The following GART variants were observed in gnomAD, a reference collection of about 807,000 sequenced individuals.
GART encodes trifunctional purine biosynthetic protein adenosine-3.
Under a neutral mutation model 107.2 loss-of-function variants are expected in GART, and 43 were observed. The observed-to-expected ratio is 0.40, with a 90% confidence interval of 0.31 to 0.52. GART has a LOEUF of 0.52. Among genes scored for constraint, GART ranks in the 20% least tolerant of loss-of-function variants. GART has a pLI of 0.52. For synonymous variants in GART, 434 were observed against 427.0 expected, an observed-to-expected ratio of 1.02 and a Z score of -0.20; for missense variants, 1,107 against 1,206.5, an observed-to-expected ratio of 0.92 and a Z score of 1.22.
At chr21:33,506,231 C>T (rs1263469958) in intron 18 of GART, 127 bp from the exon 19 acceptor site, 2 of 985,162 alleles carry the variant, frequency 2.0e-6, no homozygotes, top group East Asian at 3.2e-5. Flanking sequence ...GCAACCTCCA[C>T]CTCCCGGGTT....
chr21:33,505,531 C>T (rs367877839), intron 20 of GART, 30 bp downstream of exon 20: 3 of 1,567,056 alleles, frequency 1.9e-6, no homozygotes, highest in Non-Finnish European at 1.7e-6. Context: ...AATTGATTTC[C>T]CAATGTGATG....
At chr21:33,522,921 G>T (rs1243997085) in intron 11 of GART, among the ~76,000 whole-genome samples, 1 of 152,168 alleles carries the variant, frequency 6.6e-6, no homozygotes, top group Non-Finnish European at 1.5e-5. Context: ...AATTAGATTT[G>T]TAAAAACCGT....
intron 2 of GART, among the ~76,000 whole-genome samples, chr21:33,538,241 C>CAAA (rs397866694): frequency 0.18 from 15,569 of 88,020 alleles, 1,705 homozygotes; most frequent in Non-Finnish European, 0.24. Flanking sequence ...GACTCTGTCT[C>CAAA]AAAAAAAAAA....
At chr21:33,530,992 G>GTTTT in intron 6 of GART, 108 bp from the exon 7 acceptor site, 2 of 791,348 alleles carry the variant, frequency 2.5e-6, no homozygotes, top group Non-Finnish European at 3.4e-6. Flanking sequence ...GGAAAAGTTT[G>GTTTT]TTTTTTTTTT....
chr21:33,532,338 A>G lies in GART; in HGVS notation c.528+7T>C, dbSNP rs1569031893. 1.9e-6 allele frequency: 3 copies of G among 1,604,316 alleles called. No homozygotes were observed. Among genetic ancestry groups the G allele is most frequent in the Admixed American group, 1.7e-5 (1 of 59,750 alleles). On this transcript the variant is annotated splice_region_variant and intron_variant, in intron 5 of 21. Transcript: ENST00000381815. ...AAAAGTAAATTTTTTCAGAAGACCC[A>G]GCCTACCTGCATGATCTCTTGTACA...
chr21:33,521,610 C>CAA (rs2084974526), intron 12 of GART, among the ~76,000 whole-genome samples: 2 of 128,592 alleles, frequency 1.6e-5, no homozygotes, highest in African/African-American at 3.0e-5. Context: ...CCAGCCTGGG[C>CAA]GACAGAGCCA....
intron 18 of GART, 134 bp from the exon 19 acceptor site, chr21:33,506,238 G>A: frequency 2.2e-6 from 2 of 899,548 alleles, no homozygotes; most frequent in Non-Finnish European, 3.2e-6. Flanking sequence ...CCACCTCCCG[G>A]GTTCAAGCAA....
chr21:33,524,383 C>T, intron 11 of GART: 1 of 685,804 alleles, frequency 1.5e-6, no homozygotes. Context: ...ACCCCATCTC[C>T]ACAAAAAATA....
intron 16 of GART, among the ~76,000 whole-genome samples, chr21:33,512,745 T>A (rs937756886): frequency 2.9e-5 from 3 of 102,532 alleles, no homozygotes; most frequent in African/African-American, 1.2e-4. Context: ...TGCGACACCA[T>A]GCCTGGCTAT....
At position 33,532,363 on chromosome 21, in the gene GART, A is replaced by G; in HGVS notation, c.510T>C (p.Ala170=). Residue 170 remains alanine, a synonymous_variant, in exon 5 of 22, where the codon GCT becomes GCC. Coordinates refer to ENST00000381815, the MANE Select transcript of GART (RefSeq NM_000819.5). ...VAKSKEEACK[A]VQEIMQEKAF... ...AGCCTACCTGCATGATCTCTTGTAC[A>G]GCTTTGCAGGCCTCTTCTTTGCTCT... is the stretch of plus-strand genomic sequence containing the variant. 1 of 1,613,846 alleles carries G rather than the reference A, an allele frequency of 6.2e-7. No individual in the cohort carries two copies. Among genetic ancestry groups the G allele is most frequent in the Non-Finnish European group, 8.5e-7 (1 of 1,179,772 alleles).
In GART at chr21:33,535,328, C is replaced by CACA; in HGVS notation, c.146-9_146-8insTGT. ...GGTCACTGATTGAGATGGCTGTAAA[C>CACA]AGAAAAAAAAAAAAAAAAACCACTG... On this transcript the variant is annotated splice_polypyrimidine_tract_variant and intron_variant, in intron 2 of 21. Transcript: ENST00000381815. The CACA allele has an allele frequency of 3.1e-6, 1 of 326,888 alleles. No homozygotes were observed. The highest frequency in any genetic ancestry group is 5.2e-6 in the Non-Finnish European group (1 of 190,900). The allele number at this position is 326,888 out of a possible 1,614,324, so 20.2% of individuals were successfully genotyped here. A position where few individuals can be genotyped will look rare whatever the true frequency, so the allele number is the denominator to read the frequency against.
intron 12 of GART, 47 bp from the exon 13 acceptor site, chr21:33,521,062 CAT>C: frequency 6.9e-7 from 1 of 1,443,166 alleles, no homozygotes; most frequent in Non-Finnish European, 9.7e-7. Flanking sequence ...ATAGATTAAA[CAT>C]GTAATTATTT....
At chr21:33,505,305 A>G (rs184127479) in intron 20 of GART, among the ~76,000 whole-genome samples, 210 of 152,358 alleles carry the variant, frequency 1.4e-3, no homozygotes, top group Non-Finnish European at 1.4e-3. Flanking sequence ...GCTACATTAG[A>G]AAAAGTGATT....
rs760930314 is a variant in GART, at chr21:33,509,947, A to G, written c.2315-27T>C. 4 of 1,588,110 alleles carry G rather than the reference A, an allele frequency of 2.5e-6. No individual in the cohort carries two copies. The East Asian group carries it at 8.9e-5, about 36-fold the overall frequency. On this transcript the variant is annotated intron_variant, in intron 17 of 21. Coordinates refer to ENST00000381815, the MANE Select transcript of GART (RefSeq NM_000819.5). ...TTCATTTCAAACATATCCATAAATA[A>G]GTAAAGAACAATTGTGAATTAACAA... is the stretch of plus-strand genomic sequence containing the variant.
At chr21:33,521,631 CA>C (rs571421187) in intron 12 of GART, among the ~76,000 whole-genome samples, 4,208 of 54,436 alleles carry the variant, frequency 0.077, 168 homozygotes, top group African/African-American at 0.22. Context: ...GACTTTGTCT[CA>C]AAAAAAAAAA....
chr21:33,540,349 T>C (rs1287502943), intron 1 of GART, among the ~76,000 whole-genome samples: 1 of 152,242 alleles, frequency 6.6e-6, no homozygotes, highest in East Asian at 1.9e-4. Context: ...ATACTATAAT[T>C]TGAATTTCAT....
chr21:33,504,628 G>A (rs1275797466), intron 20 of GART, 101 bp from the exon 21 acceptor site: 1 of 760,660 alleles, frequency 1.3e-6, no homozygotes, highest in African/African-American at 1.8e-5. Flanking sequence ...AACAGGAGTT[G>A]GATTTCTGGG....
chr21:33,507,376 T>C (rs2084700488), intron 18 of GART, among the ~76,000 whole-genome samples: 1 of 152,124 alleles, frequency 6.6e-6, no homozygotes, highest in Non-Finnish European at 1.5e-5. Flanking sequence ...GATAGTGCAA[T>C]GATGGTTACC....
At chr21:33,505,101 T>C (rs2084655948) in intron 20 of GART, among the ~76,000 whole-genome samples, 1 of 152,198 alleles carries the variant, frequency 6.6e-6, no homozygotes, top group Admixed American at 6.5e-5. Context: ...ACATAGATAG[T>C]ATGTGTTTTC....
Sources: allele counts gnomAD v4.1 joint callset (sites outside exome capture counted in the v4.1 genomes callset), GRCh38; gene constraint gnomAD v4.1.1; transcripts MANE v1.5; gene names NCBI Gene and HGNC (gene_info 2026-07-23, HGNC 2026-07-21).